Variants in HYCC2 observed in about 807,000 individuals in gnomAD.
HYCC2 encodes the protein hyccin 2.
At chr2:201,053,789 C>G in the HYCC2 span, among the ~76,000 whole-genome samples, 2 of 152,022 alleles carry the variant, frequency 1.3e-5, no homozygotes, top group Admixed American at 6.6e-5. Context: ...ATGGTGAAAC[C>G]CTGTCTCTAC....
chr2:200,995,073 A>G, the HYCC2 span, among the ~76,000 whole-genome samples: 3 of 152,146 alleles, frequency 2.0e-5, no homozygotes, highest in Admixed American at 6.5e-5. Flanking sequence ...TAAGAGAACA[A>G]GCAGTTTTCT....
At chr2:200,988,301 T>A in the HYCC2 span, 1 of 1,613,748 alleles carries the variant, frequency 6.2e-7, no homozygotes, top group Non-Finnish European at 8.5e-7. Flanking sequence ...GAAGCTGTTG[T>A]AATTGCAGTC....
At chr2:200,978,490 T>TTTC in the HYCC2 span, 2 of 122,100 alleles carry the variant, frequency 1.6e-5, no homozygotes, top group Non-Finnish European at 3.3e-5. Flanking sequence ...TTTTTTTTTT[T>TTTC]TCAGAGATGG....
At chr2:201,068,354 AG>A in the HYCC2 span, among the ~76,000 whole-genome samples, 9 of 152,140 alleles carry the variant, frequency 5.9e-5, no homozygotes, top group African/African-American at 2.2e-4. Flanking sequence ...GAGCTATAAA[AG>A]TATTAGTAAA....
the HYCC2 span, among the ~76,000 whole-genome samples, chr2:201,024,528 C>A: frequency 6.6e-6 from 1 of 151,438 alleles, no homozygotes; most frequent in Non-Finnish European, 1.5e-5. Context: ...TAATGATACA[C>A]TTGAAACCTA....
At chr2:201,056,767 T>C in the HYCC2 span, among the ~76,000 whole-genome samples, 3 of 151,806 alleles carry the variant, frequency 2.0e-5, no homozygotes, top group African/African-American at 7.3e-5. Context: ...GATGATAAAG[T>C]AGCTGTATAA....
At chr2:201,067,233 C>T in the HYCC2 span, 369 of 190,420 alleles carry the variant, frequency 1.9e-3, 1 homozygote, top group African/African-American at 8.0e-3. Context: ...ATATTAGTAT[C>T]TTCTCACCAG....
At chr2:201,031,389 T>C in the HYCC2 span, among the ~76,000 whole-genome samples, 1 of 152,166 alleles carries the variant, frequency 6.6e-6, no homozygotes, top group Non-Finnish European at 1.5e-5. Flanking sequence ...CAGTGGCTCA[T>C]GCCTATAACC....
chr2:201,019,156 A>G, the HYCC2 span, among the ~76,000 whole-genome samples: 5 of 152,208 alleles, frequency 3.3e-5, no homozygotes, highest in Non-Finnish European at 5.9e-5. Flanking sequence ...TTTGTTTACT[A>G]AAAATTTATA....
the HYCC2 span, chr2:200,974,646 T>TA: frequency 6.6e-6 from 1 of 151,964 alleles, no homozygotes; most frequent in Non-Finnish European, 1.5e-5. Context: ...CCAAGACAGC[T>TA]AATCAATATA....
the HYCC2 span, chr2:200,976,808 G>A: frequency 6.6e-6 from 1 of 152,094 alleles, no homozygotes; most frequent in African/African-American, 2.4e-5. Context: ...AATATTGCTT[G>A]CATTTGCTCT....
the HYCC2 span, among the ~76,000 whole-genome samples, chr2:201,024,967 GC>G: frequency 7.2e-4 from 110 of 151,974 alleles, no homozygotes; most frequent in Non-Finnish European, 1.4e-3. Context: ...AAAAAACTTA[GC>G]CAGGTGTAGT....
chr2:201,005,750 CA>C, the HYCC2 span, among the ~76,000 whole-genome samples: 1 of 152,134 alleles, frequency 6.6e-6, no homozygotes, highest in Admixed American at 6.6e-5. Flanking sequence ...AACCTCTCTC[CA>C]AGGTAGAAAA....
the HYCC2 span, among the ~76,000 whole-genome samples, chr2:201,030,062 G>A: frequency 2.0e-5 from 3 of 152,146 alleles, no homozygotes; most frequent in Non-Finnish European, 1.5e-5. Context: ...ACTCCAGCCT[G>A]AGCAACACAG....
At chr2:201,030,640 G>A in the HYCC2 span, among the ~76,000 whole-genome samples, 2 of 150,300 alleles carry the variant, frequency 1.3e-5, no homozygotes, top group East Asian at 3.9e-4. Context: ...ACACAGTGGC[G>A]AGATCTTGGC....
At chr2:201,011,734 C>A in the HYCC2 span, among the ~76,000 whole-genome samples, 1 of 152,078 alleles carries the variant, frequency 6.6e-6, no homozygotes, top group Non-Finnish European at 1.5e-5. Flanking sequence ...TACAATATGA[C>A]AGCAAAGACA....
the HYCC2 span, among the ~76,000 whole-genome samples, chr2:201,015,464 C>T: frequency 3.9e-5 from 6 of 152,228 alleles, no homozygotes; most frequent in East Asian, 1.2e-3. Context: ...GACTTTTTCC[C>T]TGTAACTGAT....
chr2:200,986,283 A>G, the HYCC2 span, among the ~76,000 whole-genome samples: 3 of 152,190 alleles, frequency 2.0e-5, no homozygotes, highest in Admixed American at 1.3e-4. Flanking sequence ...ATTCTTACTG[A>G]GCATGCTCAA....
At chr2:201,012,386 T>C in the HYCC2 span, among the ~76,000 whole-genome samples, 1 of 151,554 alleles carries the variant, frequency 6.6e-6, no homozygotes, top group Non-Finnish European at 1.5e-5. Flanking sequence ...CCTTGAGCCT[T>C]GGAGGTGGAA....
Sources: allele counts gnomAD v4.1 joint callset (sites outside exome capture counted in the v4.1 genomes callset), GRCh38; gene constraint gnomAD v4.1.1; transcripts MANE v1.5; gene names NCBI Gene and HGNC (gene_info 2026-07-23, HGNC 2026-07-21).